Variants in DRC11 observed in about 807,000 individuals in gnomAD.
DRC11 encodes the protein IQ and AAA domain-containing protein 1.
At chr2:236,362,082 A>G in the DRC11 span, among the ~76,000 whole-genome samples, 8 of 152,214 alleles carry the variant, frequency 5.3e-5, no homozygotes, top group African/African-American at 1.9e-4. This position sits in a 1 kb window ranked among gnomAD's most constrained non-coding sequence, Gnocchi z 5.7. Flanking sequence ...ACGTGGATGT[A>G]TCTCATAACA....
chr2:236,489,765 T>A, the DRC11 span, among the ~76,000 whole-genome samples: 4 of 152,030 alleles, frequency 2.6e-5, no homozygotes, highest in South Asian at 4.2e-4. Context: ...TCTAAAAAAA[T>A]TTTTTTTAAA....
chr2:236,351,428 G>T, the DRC11 span, among the ~76,000 whole-genome samples: 2 of 152,152 alleles, frequency 1.3e-5, no homozygotes, highest in African/African-American at 2.4e-5. This position sits in a 1 kb window ranked among gnomAD's most constrained non-coding sequence, Gnocchi z 7.3. Context: ...CCCTTCCTGG[G>T]CCAGGAGCCA....
At chr2:236,401,223 T>A in the DRC11 span, among the ~76,000 whole-genome samples, 122 of 152,230 alleles carry the variant, frequency 8.0e-4, no homozygotes, top group African/African-American at 2.9e-3. The surrounding 1 kb of genome is among the most constrained non-coding windows in gnomAD (Gnocchi z 4.6). Flanking sequence ...ACTGCAGAGA[T>A]GCTGACAAGG....
At chr2:236,365,433 G>A in the DRC11 span, among the ~76,000 whole-genome samples, 414 of 152,192 alleles carry the variant, frequency 2.7e-3, 1 homozygote, top group Middle Eastern at 0.041. The surrounding 1 kb of genome is among the most constrained non-coding windows in gnomAD (Gnocchi z 7.4). Flanking sequence ...ATGTGGGGCC[G>A]GGAAGCCAGG....
At chr2:236,461,901 G>C in the DRC11 span, among the ~76,000 whole-genome samples, 3 of 152,108 alleles carry the variant, frequency 2.0e-5, no homozygotes, top group Non-Finnish European at 4.4e-5. This position sits in a 1 kb window ranked among gnomAD's most constrained non-coding sequence, Gnocchi z 4.0. Flanking sequence ...GAAGGAACCT[G>C]GGAGGGAACA....
chr2:236,371,699 A>C, the DRC11 span, among the ~76,000 whole-genome samples: 1 of 152,186 alleles, frequency 6.6e-6, no homozygotes, highest in African/African-American at 2.4e-5. The surrounding 1 kb of genome is among the most constrained non-coding windows in gnomAD (Gnocchi z 5.1). Context: ...TCAGTAGGTC[A>C]TTCTTAGCAG....
the DRC11 span, among the ~76,000 whole-genome samples, chr2:236,481,699 TC>T: frequency 6.6e-6 from 1 of 152,124 alleles, no homozygotes; most frequent in African/African-American, 2.4e-5. Context: ...AAAAGAAATC[TC>T]CCAAAGCTCA....
chr2:236,403,482 T>C, the DRC11 span, among the ~76,000 whole-genome samples: 1 of 151,508 alleles, frequency 6.6e-6, no homozygotes, highest in African/African-American at 2.4e-5. Flanking sequence ...GAATGGCCCC[T>C]TGGGACATCA....
chr2:236,432,169 T>C, the DRC11 span, among the ~76,000 whole-genome samples: 1 of 152,206 alleles, frequency 6.6e-6, no homozygotes, highest in African/African-American at 2.4e-5. Flanking sequence ...ATTACCCTAA[T>C]GATGAATAAT....
At chr2:236,377,237 G>C in the DRC11 span, 1 of 1,141,086 alleles carries the variant, frequency 8.8e-7, no homozygotes, top group Non-Finnish European at 1.3e-6. This position sits in a 1 kb window ranked among gnomAD's most constrained non-coding sequence, Gnocchi z 4.9. Context: ...AGAAATCGGC[G>C]GTATTTCTGT....
At chr2:236,351,248 G>A in the DRC11 span, among the ~76,000 whole-genome samples, 12 of 152,174 alleles carry the variant, frequency 7.9e-5, no homozygotes, top group Non-Finnish European at 1.3e-4. The surrounding 1 kb of genome is among the most constrained non-coding windows in gnomAD (Gnocchi z 7.3). Flanking sequence ...GCAGACCTGA[G>A]GTTGAGGGTG....
the DRC11 span, among the ~76,000 whole-genome samples, chr2:236,357,469 T>C: frequency 2.4e-5 from 3 of 126,900 alleles, no homozygotes; most frequent in Non-Finnish European, 4.6e-5. Flanking sequence ...ATTTACATAT[T>C]ACATGTATAT....
the DRC11 span, among the ~76,000 whole-genome samples, chr2:236,337,832 G>A: frequency 1.6e-4 from 24 of 150,382 alleles, no homozygotes; most frequent in Non-Finnish European, 2.2e-4. This position sits in a 1 kb window ranked among gnomAD's most constrained non-coding sequence, Gnocchi z 4.9. Context: ...AACCCAACCC[G>A]GTGAAAAGAA....
chr2:236,324,866 A>G, the DRC11 span: 4 of 1,021,452 alleles, frequency 3.9e-6, no homozygotes, highest in Non-Finnish European at 5.9e-6. This position sits in a 1 kb window ranked among gnomAD's most constrained non-coding sequence, Gnocchi z 5.7. Context: ...AAAGCCTGCT[A>G]AGCAGGAAGG....
the DRC11 span, among the ~76,000 whole-genome samples, chr2:236,313,375 T>C: frequency 6.6e-6 from 1 of 152,196 alleles, no homozygotes; most frequent in African/African-American, 2.4e-5. This position sits in a 1 kb window ranked among gnomAD's most constrained non-coding sequence, Gnocchi z 4.5. Context: ...AATTATTACA[T>C]ATATATCAGG....
the DRC11 span, among the ~76,000 whole-genome samples, chr2:236,372,107 G>A: frequency 1.1e-3 from 160 of 152,188 alleles, 1 homozygote; most frequent in Non-Finnish European, 4.7e-4. The surrounding 1 kb of genome is among the most constrained non-coding windows in gnomAD (Gnocchi z 4.5). Flanking sequence ...GCTTTCGACC[G>A]CAGCATTTAC....
chr2:236,459,684 T>TATAC, the DRC11 span, among the ~76,000 whole-genome samples: 1 of 145,250 alleles, frequency 6.9e-6, no homozygotes, highest in South Asian at 2.1e-4. Context: ...TATATATGTA[T>TATAC]ATACATATAT....
the DRC11 span, among the ~76,000 whole-genome samples, chr2:236,446,011 T>C: frequency 6.6e-6 from 1 of 152,146 alleles, no homozygotes; most frequent in Non-Finnish European, 1.5e-5. This position sits in a 1 kb window ranked among gnomAD's most constrained non-coding sequence, Gnocchi z 6.2. Flanking sequence ...TCTTGGCCCC[T>C]TCCCTGTGAC....
chr2:236,462,394 G>A, the DRC11 span, among the ~76,000 whole-genome samples: 2 of 152,142 alleles, frequency 1.3e-5, no homozygotes, highest in Non-Finnish European at 2.9e-5. This position sits in a 1 kb window ranked among gnomAD's most constrained non-coding sequence, Gnocchi z 6.4. Context: ...ACCAGGCGCC[G>A]GGTGCGGTGG....
Sources: gnomAD v4.1 joint callset for allele counts (sites outside exome capture counted in the v4.1 genomes callset) on GRCh38, gnomAD v4.1.1 for gene constraint, Gnocchi (gnomAD v3.1) non-coding constraint, MANE v1.5 for transcripts, NCBI Gene and HGNC (gene_info 2026-07-23, HGNC 2026-07-21) for gene names.